The following PDSS2 variants were observed in gnomAD, a reference collection of about 807,000 sequenced individuals.
The protein encoded by PDSS2 is all trans-polyprenyl-diphosphate synthase PDSS2.
A neutral mutation model predicts 44.5 loss-of-function variants in PDSS2; 31 were observed. The observed-to-expected ratio is 0.70, with a 90% CI of 0.52 to 0.94. The LOEUF (loss-of-function observed/expected upper bound fraction) is 0.94, where lower values mean the gene tolerates loss of function less well. Ranked by LOEUF, PDSS2 falls within the 40% of genes least tolerant of loss-of-function variation. The pLI, the probability that PDSS2 is intolerant of heterozygous loss-of-function variation, is 0.00. For missense variants in PDSS2, 452 were observed against 482.2 expected (o/e 0.94, Z 0.59); for synonymous variants, 157 against 180.3 (o/e 0.87, Z 1.03).
intron 2 of PDSS2, among the ~76,000 whole-genome samples, chr6:107,277,678 C>T (rs956554561): frequency 1.3e-5 from 2 of 152,084 alleles, no homozygotes; most frequent in African/African-American, 4.8e-5. Context: ...TCAGGCCAGG[C>T]GCGGTGGCTC....
chr6:107,383,453 T>C (rs1779515726), intron 1 of PDSS2, among the ~76,000 whole-genome samples: 1 of 150,970 alleles, frequency 6.6e-6, no homozygotes, highest in Admixed American at 6.6e-5. Context: ...AAAATAAAAA[T>C]TAGATAAAGT....
chr6:107,434,094 A>G (rs766198659), intron 1 of PDSS2, among the ~76,000 whole-genome samples: 8 of 152,238 alleles, frequency 5.3e-5, no homozygotes, highest in Non-Finnish European at 2.9e-5. Context: ...TCATCAAAAG[A>G]TAAGCAATAA....
At chr6:107,433,432 G>A (rs1389285135) in intron 1 of PDSS2, among the ~76,000 whole-genome samples, 2 of 152,082 alleles carry the variant, frequency 1.3e-5, no homozygotes, top group African/African-American at 2.4e-5. Context: ...ATTAACCAAT[G>A]GAACAGAATA....
At chr6:107,204,504 T>G (rs931409408) in intron 6 of PDSS2, among the ~76,000 whole-genome samples, 9 of 152,222 alleles carry the variant, frequency 5.9e-5, no homozygotes, top group African/African-American at 2.2e-4. Context: ...TCCCTGATAC[T>G]ACCCTATGTT....
At chr6:107,206,301 A>G (rs913428145) in intron 6 of PDSS2, among the ~76,000 whole-genome samples, 1 of 152,072 alleles carries the variant, frequency 6.6e-6, no homozygotes, top group Non-Finnish European at 1.5e-5. Flanking sequence ...GGAACTGCTG[A>G]CCTCAAGTGA....
intron 1 of PDSS2, among the ~76,000 whole-genome samples, chr6:107,435,173 G>C (rs1781310780): frequency 6.6e-6 from 1 of 151,832 alleles, no homozygotes; most frequent in African/African-American, 2.4e-5. Context: ...TAGCTACACG[G>C]GAGGCTGAGG....
chr6:107,237,295 G>C (rs1774256550), intron 4 of PDSS2, among the ~76,000 whole-genome samples: 1 of 151,860 alleles, frequency 6.6e-6, no homozygotes, highest in South Asian at 2.1e-4. Flanking sequence ...CCAGACTGGA[G>C]TGCAATGGCA....
intron 1 of PDSS2, among the ~76,000 whole-genome samples, chr6:107,415,272 A>G (rs1327221607): frequency 2.0e-5 from 3 of 152,110 alleles, no homozygotes; most frequent in African/African-American, 4.8e-5. Flanking sequence ...AAATAGACCA[A>G]TATCTTTTTA....
chr6:107,176,684 G>A (rs905992437), intron 7 of PDSS2, among the ~76,000 whole-genome samples: 2 of 152,028 alleles, frequency 1.3e-5, no homozygotes, highest in Admixed American at 6.6e-5. Context: ...TGAACACAAC[G>A]CAACAGCTCA....
chr6:107,363,648 T>C (rs1171963191), intron 1 of PDSS2, among the ~76,000 whole-genome samples: 3 of 152,148 alleles, frequency 2.0e-5, no homozygotes, highest in South Asian at 2.1e-4. Flanking sequence ...GCTCCCACGG[T>C]GTGGAAGGGG....
chr6:107,157,924 G>T (rs1177329723), intron 7 of PDSS2, among the ~76,000 whole-genome samples: 1 of 151,972 alleles, frequency 6.6e-6, no homozygotes, highest in African/African-American at 2.4e-5. Context: ...GCCTGCCTCG[G>T]CCTCCCAAAG....
chr6:107,350,023 C>T (rs1778383545), intron 1 of PDSS2, among the ~76,000 whole-genome samples: 1 of 152,138 alleles, frequency 6.6e-6, no homozygotes, highest in Non-Finnish European at 1.5e-5. Flanking sequence ...TCGAAAATTA[C>T]AGGCCAGTTA....
At position 107,296,365 on chromosome 6, in the gene PDSS2, G is replaced by A. The variant is rs113398337; in HGVS notation, c.432-22138C>T. Among the ~76,000 whole-genome samples the A allele has an allele frequency of 5.6e-3, 846 of 152,232 alleles. 6 individuals are homozygous for A. The highest frequency in any genetic ancestry group is 0.02 in the African/African-American group (828 of 41,524). On this transcript the variant is annotated intron_variant, in intron 2 of 7. Transcript: ENST00000369037. ...CCTTTGAAGCATGAGTATGAAAGATGTCAAAAATGAAATATTTATTTTTCT... is the reference window on the plus strand; with the variant it reads ...CCTTTGAAGCATGAGTATGAAAGATATCAAAAATGAAATATTTATTTTTCT...
intron 1 of PDSS2, among the ~76,000 whole-genome samples, chr6:107,356,065 T>C (rs1337261272): frequency 6.6e-6 from 1 of 152,224 alleles, no homozygotes; most frequent in East Asian, 1.9e-4. Context: ...TACTCCATTA[T>C]TTGGTATAGT....
intron 2 of PDSS2, among the ~76,000 whole-genome samples, chr6:107,290,659 T>A (rs1053137831): frequency 6.6e-6 from 1 of 152,214 alleles, no homozygotes; most frequent in Non-Finnish European, 1.5e-5. Flanking sequence ...CTTTCCTCTA[T>A]CTGGACTGCA....
chr6:107,322,680 C>T (rs191604369), intron 2 of PDSS2, among the ~76,000 whole-genome samples: 4 of 151,986 alleles, frequency 2.6e-5, no homozygotes, highest in African/African-American at 7.3e-5. Context: ...CACCTCTCTA[C>T]AAAAAATACA....
intron 1 of PDSS2, among the ~76,000 whole-genome samples, chr6:107,367,171 GTA>G (rs1270274835): frequency 6.6e-6 from 1 of 152,102 alleles, no homozygotes; most frequent in Non-Finnish European, 1.5e-5. Flanking sequence ...GCAAAATCAA[GTA>G]ATGTCAAAGC....
At chr6:107,433,991 T>C (rs2087576528) in intron 1 of PDSS2, among the ~76,000 whole-genome samples, 1 of 152,132 alleles carries the variant, frequency 6.6e-6, no homozygotes, top group African/African-American at 2.4e-5. Context: ...CAAACAGGTA[T>C]ATGAAAAGGT....
intron 1 of PDSS2, among the ~76,000 whole-genome samples, chr6:107,391,317 G>C (rs1342373365): frequency 6.6e-6 from 1 of 152,032 alleles, no homozygotes; most frequent in Non-Finnish European, 1.5e-5. Flanking sequence ...AATGATAAGA[G>C]GGAATAAAGA....
Sources: allele counts gnomAD v4.1 joint callset (sites outside exome capture counted in the v4.1 genomes callset), GRCh38; gene constraint gnomAD v4.1.1; transcripts MANE v1.5; gene names NCBI Gene and HGNC (gene_info 2026-07-23, HGNC 2026-07-21).